The following KANK1 variants were observed in gnomAD, a reference collection of about 807,000 sequenced individuals.
The protein encoded by KANK1 is KN motif and ankyrin repeat domain-containing protein 1.
Under a neutral mutation model 106.2 loss-of-function variants are expected in KANK1, and 109 were observed. The ratio of observed to expected loss-of-function variants is 1.03; its 90% CI spans 0.88 to 1.20. The LOEUF (loss-of-function observed/expected upper bound fraction) is 1.20, where lower values mean the gene tolerates loss of function less well. KANK1 is among the 50% of genes most tolerant of loss of function. The probability of loss-of-function intolerance (pLI) is 0.00; values close to 1 mark genes in which losing one functional copy is unlikely to be tolerated. For synonymous variants in KANK1, 873 were observed against 652.2 expected (o/e 1.34, Z -5.16); for missense variants, 2,399 against 1,710.7 (o/e 1.40, Z -7.10).
intron 1 of KANK1, among the ~76,000 whole-genome samples, chr9:572,856 T>C (rs181435795): frequency 2.0e-5 from 3 of 152,276 alleles, no homozygotes; most frequent in Middle Eastern, 3.4e-3. Flanking sequence ...ATTTCTGAAA[T>C]AAAATTTCTT....
intron 2 of KANK1, among the ~76,000 whole-genome samples, chr9:696,338 G>C (rs752982982): frequency 1.1e-4 from 16 of 152,038 alleles, no homozygotes; most frequent in South Asian, 6.2e-4. Flanking sequence ...TTAGAGTCTG[G>C]TAGAGAAACA....
chr9:677,125 A>G, intron 2 of KANK1, 116 bp downstream of exon 2: 1 of 948,138 alleles, frequency 1.1e-6, no homozygotes, highest in East Asian at 2.7e-5. Context: ...TAGGATTTCA[A>G]AGCAATTTTC....
At chr9:522,264 A>G (rs1482837105) in intron 1 of KANK1, among the ~76,000 whole-genome samples, 1 of 151,690 alleles carries the variant, frequency 6.6e-6, no homozygotes, top group Non-Finnish European at 1.5e-5. Flanking sequence ...ATATAGTTAC[A>G]TCTAGTTTTG....
At chr9:584,824 C>G (rs1384046434) in intron 1 of KANK1, among the ~76,000 whole-genome samples, 3 of 152,304 alleles carry the variant, frequency 2.0e-5, no homozygotes, top group East Asian at 3.9e-4. Context: ...TTTGGTTGAG[C>G]TGTTAAGTTC....
chr9:489,868 C>G (rs2058349820), intron 3 of KANK1, among the ~76,000 whole-genome samples: 1 of 152,158 alleles, frequency 6.6e-6, no homozygotes, highest in African/African-American at 2.4e-5. Context: ...CTAGGTAGAG[C>G]TTGGCAAAGT....
At chr9:631,760 G>A (rs1835804128) in intron 1 of KANK1, among the ~76,000 whole-genome samples, 1 of 152,174 alleles carries the variant, frequency 6.6e-6, no homozygotes, top group South Asian at 2.1e-4. Flanking sequence ...ACCCCATTCT[G>A]TGGTCTCTTC....
At position 584,326 on chromosome 9, in the gene KANK1, GCATA is replaced by G. The variant is rs1460147023; in HGVS notation, c.-84+79577_-84+79580del. ...TTTGTGTATTATGTTTATGTGTCAT[GCATA>G]CATATAAAAGTGGAAGGCGGTTCAA... On this transcript the variant is annotated intron_variant, in intron 1 of 11. Transcript: ENST00000382297. Among the ~76,000 whole-genome samples the G allele has an allele frequency of 5.9e-5, 9 of 152,256 alleles. No homozygotes were observed. The East Asian group carries it at 1.7e-3, about 29-fold the overall frequency.
In KANK1 at chr9:731,241, C is replaced by T. The variant is rs753554829; in HGVS notation, c.2980C>T (p.Leu994Phe). ...NKDSNGAKKN[L>F]QFVGINGGYE... ...AGATTCAAATGGCGCAAAAAAGAATCTTCAGTTTGTTGGCATTAATGGAGG... is the reference window on the plus strand; with the variant it reads ...AGATTCAAATGGCGCAAAAAAGAATTTTCAGTTTGTTGGCATTAATGGAGG... Residue 994 changes from leucine (L) to phenylalanine (F), a missense_variant, in exon 5 of 12, where the codon CTT (leucine) becomes TTT (phenylalanine). Physicochemically the swap from Leu to Phe is conservative, Grantham distance 22 (BLOSUM62 0). Transcript: ENST00000382297. 40 of 1,607,518 alleles carry T rather than the reference C, an allele frequency of 2.5e-5. No individual in the cohort carries two copies. The highest frequency in any genetic ancestry group is 4.0e-5 in the African/African-American group (3 of 74,716).
chr9:692,219 C>T (rs1410845567), intron 2 of KANK1, among the ~76,000 whole-genome samples: 1 of 152,208 alleles, frequency 6.6e-6, no homozygotes, highest in African/African-American at 2.4e-5. Flanking sequence ...CCTTCTGTCT[C>T]ATCTCCTACT....
At chr9:548,662 G>GA (rs1289687858) in intron 1 of KANK1, among the ~76,000 whole-genome samples, 6 of 152,030 alleles carry the variant, frequency 3.9e-5, no homozygotes, top group Non-Finnish European at 7.4e-5. Flanking sequence ...TGTGTGTATA[G>GA]AAAAAATGAA....
chr9:730,188 C>T lies in KANK1; in HGVS notation c.2836C>T (p.Gln946Ter). The T allele has an allele frequency of 6.2e-7, 1 of 1,614,182 alleles. No homozygotes were observed. The highest frequency in any genetic ancestry group is 1.3e-5 in the African/African-American group (1 of 75,042). The stretch of plus-strand genomic sequence containing the variant: ...CAGCAGCCTGGATGCCTTCCCCACT[C>T]AGGAAGGTACGCTGTCTCCAGTGAA... ...PISSLDAFPT[Q>*]EGTLSPVNLT... is the part of the protein sequence containing the mutation. The change falls in exon 4 of 12, where the codon CAG (glutamine) becomes TAG (stop). Residue 946 changes from glutamine (Q) to a stop codon, truncating the protein, a stop_gained. Coordinates refer to ENST00000382297, the MANE Select transcript of KANK1 (RefSeq NM_015158.5). LOFTEE classifies it high-confidence loss of function.
intron 1 of KANK1, among the ~76,000 whole-genome samples, chr9:666,582 T>C (rs1844635710): frequency 1.3e-5 from 2 of 152,228 alleles, no homozygotes; most frequent in African/African-American, 4.8e-5. Flanking sequence ...TGTGGATTTA[T>C]CATATATGGC....
chr9:628,565 T>A (rs976027263), intron 1 of KANK1, among the ~76,000 whole-genome samples: 4 of 152,202 alleles, frequency 2.6e-5, no homozygotes, highest in African/African-American at 9.7e-5. Context: ...AAGTTTAGAT[T>A]CCCTGCTTGA....
At chr9:697,273 C>T (rs1821547066) in intron 2 of KANK1, among the ~76,000 whole-genome samples, 1 of 152,102 alleles carries the variant, frequency 6.6e-6, no homozygotes, top group South Asian at 2.1e-4. Context: ...CAGGACAGTG[C>T]AAAAGTGATG....
chr9:717,493 G>T (rs1433587959), intron 3 of KANK1, among the ~76,000 whole-genome samples: 1 of 152,070 alleles, frequency 6.6e-6, no homozygotes, highest in African/African-American at 2.4e-5. Flanking sequence ...TCACCTAAAA[G>T]GTCACGAACA....
intron 1 of KANK1, among the ~76,000 whole-genome samples, chr9:624,017 T>C (rs970510273): frequency 6.6e-6 from 1 of 152,158 alleles, no homozygotes; most frequent in African/African-American, 2.4e-5. Context: ...GAAAATGTGG[T>C]ATATATATAC....
chr9:708,495 T>C (rs900280480), intron 2 of KANK1, among the ~76,000 whole-genome samples: 5 of 152,218 alleles, frequency 3.3e-5, no homozygotes, highest in African/African-American at 1.2e-4. Flanking sequence ...CGTGTTAGAA[T>C]CGAACAGCTA....
intron 2 of KANK1, among the ~76,000 whole-genome samples, chr9:700,091 T>G (rs1822276728): frequency 6.6e-6 from 1 of 152,244 alleles, no homozygotes; most frequent in East Asian, 1.9e-4. Context: ...CATTTCAGGC[T>G]TCTTAGAAAA....
chr9:548,550 C>G (rs191888822), intron 1 of KANK1, among the ~76,000 whole-genome samples: 1 of 152,178 alleles, frequency 6.6e-6, no homozygotes, highest in African/African-American at 2.4e-5. Context: ...TTTGTTTGCA[C>G]AAACAGATAT....
Sources: gnomAD v4.1 joint callset for allele counts (sites outside exome capture counted in the v4.1 genomes callset) on GRCh38, gnomAD v4.1.1 for gene constraint, MANE v1.5 for transcripts, NCBI Gene and HGNC (gene_info 2026-07-23, HGNC 2026-07-21) for gene names.